Variants in STK32B observed in about 807,000 individuals in gnomAD.
STK32B encodes serine/threonine kinase 32B.
STK32B carries 43 observed loss-of-function variants against 52.6 expected under a neutral mutation model. The ratio of observed to expected loss-of-function variants is 0.82; its 90% CI spans 0.64 to 1.05. The LOEUF is 1.05. Ranked by LOEUF, STK32B falls within the 50% of genes least tolerant of loss-of-function variation. The pLI is 0.00. For missense variants in STK32B, 621 were observed against 534.6 expected, an observed-to-expected ratio of 1.16 and a Z score of -1.59; for synonymous variants, 238 against 204.3, an observed-to-expected ratio of 1.17 and a Z score of -1.41.
At chr4:5,479,841 T>G (rs1718538683) in intron 11 of STK32B, among the ~76,000 whole-genome samples, 3 of 152,122 alleles carry the variant, frequency 2.0e-5, no homozygotes, top group Non-Finnish European at 4.4e-5. Flanking sequence ...GTGTTTGCGG[T>G]TTTTTGGGGT....
intron 3 of STK32B, among the ~76,000 whole-genome samples, chr4:5,277,326 A>G (rs1181178073): frequency 1.3e-5 from 2 of 152,048 alleles, no homozygotes; most frequent in Non-Finnish European, 1.5e-5. Flanking sequence ...TGGAGAAGCT[A>G]TTAGAGAACA....
intron 3 of STK32B, among the ~76,000 whole-genome samples, chr4:5,245,454 C>T (rs959028256): frequency 2.0e-5 from 3 of 152,082 alleles, no homozygotes; most frequent in African/African-American, 7.2e-5. Flanking sequence ...CATCCCTTTA[C>T]TTTGAGCCTA....
rs778583229 is a variant in STK32B at position 5,460,254 on chromosome 4, A to T, written c.909+26A>T. On this transcript the variant is annotated intron_variant, in intron 9 of 11. Transcript: ENST00000282908. This position sits in a 1 kb window ranked among gnomAD's most constrained non-coding sequence, Gnocchi z 4.8. ...GTGAGTGGAAGTCCCACCTGATGTC[A>T]TGCCACCCCTCTGCAGGGTCCCCGC... 3.1e-6 allele frequency: 5 copies of T among 1,596,586 alleles called. No homozygotes were observed. The Admixed American group carries it at 8.5e-5, about 27-fold the overall frequency.
chr4:5,291,947 C>T (rs1299235828), intron 3 of STK32B, among the ~76,000 whole-genome samples: 1 of 152,008 alleles, frequency 6.6e-6, no homozygotes, highest in Non-Finnish European at 1.5e-5. Context: ...TTTGATTGAA[C>T]CCATCGCCCA....
At chr4:5,475,740 T>C (rs187524110) in intron 11 of STK32B, among the ~76,000 whole-genome samples, 133 of 145,672 alleles carry the variant, frequency 9.1e-4, no homozygotes, top group African/African-American at 3.3e-3. Flanking sequence ...TCTCAGCCAA[T>C]AAAAGATGTG....
intron 4 of STK32B, among the ~76,000 whole-genome samples, chr4:5,357,084 C>T (rs531591353): frequency 7.0e-4 from 91 of 129,924 alleles, no homozygotes; most frequent in African/African-American, 3.1e-3. Flanking sequence ...CACACACACA[C>T]GTATACACAC....
intron 3 of STK32B, among the ~76,000 whole-genome samples, chr4:5,321,788 A>G (rs1473051659): frequency 6.6e-6 from 1 of 152,084 alleles, no homozygotes; most frequent in African/African-American, 2.4e-5. Context: ...CCTTCACCTC[A>G]TCACGCGACT....
rs76463530 is a variant in STK32B, at chr4:5,197,808, T to A, written c.260+29358T>A. Among the ~76,000 whole-genome samples, 1,478 of 152,298 alleles carry A rather than the reference T, an allele frequency of 9.7e-3. 19 individuals are homozygous for A. The highest frequency in any genetic ancestry group is 0.033 in the African/African-American group (1,354 of 41,556). ...ATTTTATCAGAAGCTTTTTGAAAAA[T>A]TATAAAAATGCTCAGATGTTTAGGT... On this transcript the variant is annotated intron_variant, in intron 3 of 11. Coordinates refer to ENST00000282908, the MANE Select transcript of STK32B (RefSeq NM_018401.3).
intron 3 of STK32B, among the ~76,000 whole-genome samples, chr4:5,213,507 C>T (rs531668829): frequency 6.6e-6 from 1 of 152,164 alleles, no homozygotes; most frequent in African/African-American, 2.4e-5. Context: ...AGAAATAAGA[C>T]TAGAAGTGAA....
intron 4 of STK32B, among the ~76,000 whole-genome samples, chr4:5,393,170 A>AC (rs35454224): frequency 6.6e-6 from 1 of 151,506 alleles, no homozygotes; most frequent in Non-Finnish European, 1.5e-5. Context: ...TTCCTCCCCA[A>AC]CCCCCAGTAA....
intron 3 of STK32B, among the ~76,000 whole-genome samples, chr4:5,185,704 C>T (rs1720688749): frequency 6.6e-6 from 1 of 152,212 alleles, no homozygotes; most frequent in Non-Finnish European, 1.5e-5. Context: ...TTTCAATGCC[C>T]AGCCAGTTAC....
intron 9 of STK32B, among the ~76,000 whole-genome samples, chr4:5,464,530 C>T (rs151097916): frequency 2.6e-5 from 4 of 152,204 alleles, no homozygotes; most frequent in Middle Eastern, 3.2e-3. Context: ...GAGCCAGACC[C>T]CAGAACAATG....
intron 1 of STK32B, among the ~76,000 whole-genome samples, chr4:5,066,217 A>C (rs925322740): frequency 6.6e-6 from 1 of 152,168 alleles, no homozygotes; most frequent in African/African-American, 2.4e-5. Flanking sequence ...TACAGAAGAC[A>C]GCATGTCTCA....
chr4:5,214,072 C>T (rs1379539055), intron 3 of STK32B, among the ~76,000 whole-genome samples: 2 of 152,096 alleles, frequency 1.3e-5, no homozygotes, highest in Admixed American at 6.6e-5. Context: ...GGCTCTGTGA[C>T]CCCACCCAAA....
chr4:5,386,215 C>T lies in STK32B; in HGVS notation c.435-11992C>T. Among the ~76,000 whole-genome samples, 1 of 152,110 alleles carries T rather than the reference C, an allele frequency of 6.6e-6. No homozygotes were observed. The highest frequency in any genetic ancestry group is 1.9e-4 in the East Asian group (1 of 5,188). On this transcript the variant is annotated intron_variant, in intron 4 of 11. Transcript: ENST00000282908. This position sits in a 1 kb window ranked among gnomAD's most constrained non-coding sequence, Gnocchi z 4.5. ...CCTCACTCTCCCCCTCTATTTCCCT[C>T]AGCGTATCATATTATGCAGTTTTAT...
chr4:5,485,782 T>C lies in STK32B; in HGVS notation c.1107-13163T>C, dbSNP rs186749067. On this transcript the variant is annotated intron_variant, in intron 11 of 11. Transcript: ENST00000282908. ...GGGGTTTTGGTGTGGATGTACTTTC[T>C]GTTTGTTAGTTTTCCTTCTAACAGT... 5.3e-3 allele frequency among the ~76,000 whole-genome samples: 802 copies of C among 152,338 alleles called. 23 individuals carry two copies. The East Asian group carries it at 0.079, about 15-fold the overall frequency.
rs753416514 is a variant in STK32B at position 5,051,813 on chromosome 4, C to T, written c.-51C>T. On this transcript the variant is annotated 5_prime_UTR_variant, in exon 1 of 12. Transcript: ENST00000282908. The stretch of plus-strand genomic sequence containing the variant: ...ATCTCTGCGCGCGTCCCACATCCCG[C>T]ATCCGGCATCCCAGCGGCCGGGCAT... 5 of 1,563,152 alleles carry T rather than the reference C, an allele frequency of 3.2e-6. No homozygotes were observed. In the South Asian group the frequency reaches 4.7e-5, roughly 15 times the overall value.
intron 11 of STK32B, among the ~76,000 whole-genome samples, chr4:5,489,875 A>G (rs1719562395): frequency 6.6e-6 from 1 of 152,202 alleles, no homozygotes; most frequent in Admixed American, 6.5e-5. Context: ...GGCTGGCTAC[A>G]TCAGATTTTA....
chr4:5,097,586 G>A (rs1713473103), intron 1 of STK32B, among the ~76,000 whole-genome samples: 1 of 152,194 alleles, frequency 6.6e-6, no homozygotes, highest in African/African-American at 2.4e-5. Context: ...AAGAAGGGGA[G>A]CTCAGAAGCT....
Sources: allele counts gnomAD v4.1 joint callset (sites outside exome capture counted in the v4.1 genomes callset), GRCh38; gene constraint gnomAD v4.1.1; non-coding constraint Gnocchi (gnomAD v3.1); transcripts MANE v1.5; gene names NCBI Gene and HGNC (gene_info 2026-07-23, HGNC 2026-07-21).